Variants in AHR observed in about 807,000 individuals in gnomAD.
AHR encodes the protein AH-receptor.
AHR carries 40 observed loss-of-function variants against 86.8 expected under a neutral mutation model. That is an observed-to-expected ratio of 0.46 (90% CI 0.36 to 0.60). AHR has a LOEUF of 0.60. Ranked by LOEUF, AHR falls within the 20% of genes least tolerant of loss-of-function variation. The probability of loss-of-function intolerance (pLI) is 0.00; values close to 1 mark genes in which losing one functional copy is unlikely to be tolerated. For missense variants in AHR, 1,001 were observed against 1,011.6 expected (o/e 0.99, Z 0.14); for synonymous variants, 398 against 354.9 (o/e 1.12, Z -1.37).
Position 17,339,647 on chromosome 7 carries a change from A to C in AHR, c.1822A>C (p.Asn608His), listed in dbSNP as rs1477882430. 1.2e-6 allele frequency: 2 copies of C among 1,614,008 alleles called. No individual in the cohort carries two copies. Among genetic ancestry groups the C allele is most frequent in the Non-Finnish European group, 1.7e-6 (2 of 1,180,040 alleles). ...DYQQQQSLAL[N>H]SSCMVQEHLH... ...TCAACAGCAACAGTCCTTGGCTCTG[A>C]ACTCAAGCTGTATGGTACAGGAACA... The change falls in exon 10 of 11, where the codon AAC becomes CAC. Residue 608 changes from asparagine (N) to histidine (H), a missense_variant. This residue lies in a region of AHR where 607 missense variants were observed against 543.1 expected (regional missense o/e 1.12). Transcript: ENST00000242057.
chr7:17,309,489 AG>A (rs939203072), intron 1 of AHR, among the ~76,000 whole-genome samples: 5 of 152,220 alleles, frequency 3.3e-5, no homozygotes, highest in Non-Finnish European at 7.3e-5. Flanking sequence ...TACTTTATTT[AG>A]GGTTGTCCTT....
intron 2 of AHR, among the ~76,000 whole-genome samples, chr7:17,313,318 C>T (rs1229262689): frequency 2.0e-5 from 3 of 152,100 alleles, no homozygotes; most frequent in Admixed American, 2.0e-4. Flanking sequence ...GTTGGACCCA[C>T]TCTTCCACTA....
chr7:17,298,731 G>A lies in AHR; in HGVS notation c.-534G>A. 2.5e-6 allele frequency: 1 copy of A among 397,628 alleles called. No individual in the cohort carries two copies. 24.6% of individuals were successfully genotyped at this position (397,628 alleles called of 1,614,324 possible). A position where few individuals can be genotyped will look rare whatever the true frequency, so the allele number is the denominator to read the frequency against. On this transcript the variant is annotated 5_prime_UTR_variant, in exon 1 of 11. Transcript: ENST00000242057. ...AGCTCAGAACAGGGGCAGCCGTGTA[G>A]CCGAACGGAAGCTGGGAGCAGCCGG...
chr7:17,331,433 C>T (rs1031076903), intron 6 of AHR, among the ~76,000 whole-genome samples: 4 of 151,880 alleles, frequency 2.6e-5, no homozygotes, highest in African/African-American at 7.2e-5. Flanking sequence ...TTCTATAACT[C>T]AGAAAACTGT....
chr7:17,330,443 A>C (rs1782275179), intron 5 of AHR, among the ~76,000 whole-genome samples: 1 of 151,976 alleles, frequency 6.6e-6, no homozygotes, highest in African/African-American at 2.4e-5. Flanking sequence ...TGCAAGTATA[A>C]AAATGCTTTT....
intron 2 of AHR, among the ~76,000 whole-genome samples, chr7:17,317,204 A>G (rs1782124859): frequency 7.2e-6 from 1 of 138,366 alleles, no homozygotes; most frequent in Admixed American, 7.7e-5. Flanking sequence ...AATTAATTTC[A>G]TATTTTTTAT....
chr7:17,326,230 A>G (rs1436842067), intron 3 of AHR, among the ~76,000 whole-genome samples: 2 of 152,230 alleles, frequency 1.3e-5, no homozygotes, highest in Non-Finnish European at 2.9e-5. Flanking sequence ...AGAAAAAGGA[A>G]TACTAAATAA....
At chr7:17,301,949 A>G (rs780067350) in intron 1 of AHR, among the ~76,000 whole-genome samples, 6 of 151,902 alleles carry the variant, frequency 3.9e-5, no homozygotes, top group Non-Finnish European at 8.8e-5. Flanking sequence ...ATACTTAGTG[A>G]CCCTACTCAG....
intron 1 of AHR, among the ~76,000 whole-genome samples, chr7:17,309,389 A>AG (rs1782039657): frequency 6.6e-6 from 1 of 152,196 alleles, no homozygotes; most frequent in Non-Finnish European, 1.5e-5. Flanking sequence ...TGGCTGGAGG[A>AG]CCATCTGCAG....
chr7:17,300,767 C>T (rs1781947183), intron 1 of AHR, among the ~76,000 whole-genome samples: 1 of 152,018 alleles, frequency 6.6e-6, no homozygotes, highest in African/African-American at 2.4e-5. Context: ...TGGGAGGCAT[C>T]CCAAATGTCT....
At chr7:17,325,281 A>G (rs1782216608) in intron 3 of AHR, among the ~76,000 whole-genome samples, 1 of 152,198 alleles carries the variant, frequency 6.6e-6, no homozygotes, top group Admixed American at 6.5e-5. Context: ...CATTTGTCTA[A>G]AGAGATTTGA....
rs544271397 is a variant in AHR, at chr7:17,339,287, G to A, written c.1462G>A (p.Glu488Lys). Reference sequence around the variant, plus strand: ...ACCTTTTGAAAACAACTTTTTCAACGAATCTATGAATGAATGCAGAAATTG... The same window carrying A: ...ACCTTTTGAAAACAACTTTTTCAACAAATCTATGAATGAATGCAGAAATTG... ...TAPFENNFFN[E>K]SMNECRNWQD... Residue 488 changes from glutamate to lysine, a missense_variant, in exon 10 of 11, where the codon GAA (glutamate) becomes AAA (lysine). This residue lies in a region of AHR where 607 missense variants were observed against 543.1 expected (regional missense o/e 1.12). Transcript: ENST00000242057. 23 of 1,614,030 alleles carry A rather than the reference G, an allele frequency of 1.4e-5. No individual in the cohort carries two copies. Among genetic ancestry groups the A allele is most frequent in the Non-Finnish European group, 1.8e-5 (21 of 1,180,026 alleles).
chr7:17,338,103 G>T (rs1247312681), intron 9 of AHR, among the ~76,000 whole-genome samples: 1 of 150,688 alleles, frequency 6.6e-6, no homozygotes, highest in East Asian at 2.0e-4. Context: ...GGAGGCTGAG[G>T]CAGGAGAATG....
intron 2 of AHR, among the ~76,000 whole-genome samples, chr7:17,311,224 A>G (rs566871575): frequency 2.0e-5 from 3 of 152,364 alleles, no homozygotes; most frequent in South Asian, 2.1e-4. Context: ...TTTACTAACC[A>G]TAGCAAGTTA....
At chr7:17,303,951 G>A (rs1275922714) in intron 1 of AHR, among the ~76,000 whole-genome samples, 1 of 152,174 alleles carries the variant, frequency 6.6e-6, no homozygotes, top group East Asian at 1.9e-4. Context: ...AGTGTGGTTG[G>A]TAATTAAAGT....
Position 17,339,092 on chromosome 7 carries a change from A to C in AHR, c.1267A>C (p.Ile423Leu), listed in dbSNP as rs757146102. 40 of 1,614,190 alleles carry C rather than the reference A, an allele frequency of 2.5e-5. 2 individuals carry two copies. In the South Asian group the frequency reaches 4.0e-4, roughly 16 times the overall value. The change falls in exon 10 of 11, where the codon ATA (isoleucine) becomes CTA (leucine). Residue 423 changes from isoleucine (I) to leucine (L), a missense_variant. Around this residue, in one of 2 missense-constraint regions of AHR, gnomAD observed 607 missense variants for 543.1 expected, o/e 1.12. Coordinates refer to ENST00000242057, the MANE Select transcript of AHR (RefSeq NM_001621.5). The stretch of plus-strand genomic sequence containing the variant: ...TGAGGCAACCAACCCTTTTCCTGCC[A>C]TAATGGATCCCTTACCACTAAGGAC... The part of the protein sequence containing the change: ...LYEATNPFPA[I>L]MDPLPLRTKN...
At chr7:17,320,054 T>G (rs1782153032) in intron 2 of AHR, among the ~76,000 whole-genome samples, 3 of 152,120 alleles carry the variant, frequency 2.0e-5, no homozygotes, top group African/African-American at 7.2e-5. Context: ...TTTTCCTACT[T>G]ATGTAGTAGT....
Position 17,307,496 on chromosome 7 carries a change from G to T in AHR, c.66-2440G>T, listed in dbSNP as rs2237300. ...GACATAACAAGGAGGTTGTATGAAA[G>T]CACTAAACCACATGTTGTAACTGTA... On this transcript the variant is annotated intron_variant, in intron 1 of 10. Coordinates refer to ENST00000242057, the MANE Select transcript of AHR (RefSeq NM_001621.5). Among the ~76,000 whole-genome samples, 294 of 152,230 alleles carry T rather than the reference G, an allele frequency of 1.9e-3. 4 individuals are homozygous for T. The East Asian group carries it at 0.047, about 24-fold the overall frequency.
At chr7:17,318,622 G>A (rs1189937950) in intron 2 of AHR, among the ~76,000 whole-genome samples, 1 of 152,060 alleles carries the variant, frequency 6.6e-6, no homozygotes, top group Non-Finnish European at 1.5e-5. Context: ...TTACGGTACA[G>A]CAGATACTTC....
Sources: gnomAD v4.1 joint callset for allele counts (sites outside exome capture counted in the v4.1 genomes callset) on GRCh38, gnomAD v4.1.1 for gene constraint, gnomAD v4.1.1 regional missense constraint, MANE v1.5 for transcripts, NCBI Gene and HGNC (gene_info 2026-07-23, HGNC 2026-07-21) for gene names.